PACC1: variants seen among roughly 807,000 people sequenced by gnomAD.
The protein encoded by PACC1 is proton-activated chloride channel.
PACC1 carries 34 observed loss-of-function variants against 39.7 expected under a neutral mutation model. The ratio of observed to expected loss-of-function variants is 0.86; its 90% CI spans 0.65 to 1.14. The LOEUF (loss-of-function observed/expected upper bound fraction) is 1.14. Among genes scored for constraint, PACC1 ranks in the 50% most tolerant of loss-of-function variants. The probability of loss-of-function intolerance (pLI) is 0.00; values close to 1 mark genes in which losing one functional copy is unlikely to be tolerated. For missense variants in PACC1, 379 were observed against 436.4 expected (o/e 0.87, Z 1.17); for synonymous variants, 127 against 160.6 (o/e 0.79, Z 1.58).
intron 5 of PACC1, 105 bp from the exon 6 acceptor site, chr1:212,377,811 C>G: frequency 7.6e-7 from 1 of 1,324,290 alleles, no homozygotes; most frequent in Non-Finnish European, 1.0e-6. Flanking sequence ...AACCAGGATG[C>G]TGCCCACTCC....
intron 5 of PACC1, among the ~76,000 whole-genome samples, chr1:212,378,801 C>T (rs1240658082): frequency 2.0e-5 from 3 of 152,094 alleles, no homozygotes; most frequent in East Asian, 1.9e-4. Context: ...CACTCACGTG[C>T]GGATTTTCTT....
chr1:212,382,061 C>T (rs1305469434), intron 4 of PACC1, among the ~76,000 whole-genome samples: 3 of 150,530 alleles, frequency 2.0e-5, no homozygotes, highest in Non-Finnish European at 4.4e-5. Context: ...TTTTTTGAGA[C>T]GGTGTCTCGC....
At chr1:212,412,172 C>A (rs1157591664) in intron 1 of PACC1, among the ~76,000 whole-genome samples, 3 of 151,546 alleles carry the variant, frequency 2.0e-5, no homozygotes. Flanking sequence ...AGAAAAGCAA[C>A]CAGTGGGAAA....
At chr1:212,401,574 C>T (rs1046943301) in intron 2 of PACC1, among the ~76,000 whole-genome samples, 10 of 138,162 alleles carry the variant, frequency 7.2e-5, no homozygotes, top group African/African-American at 1.6e-4. Flanking sequence ...TGCAATGAGC[C>T]GAGACGGCGC....
intron 7 of PACC1, among the ~76,000 whole-genome samples, chr1:212,370,418 G>A (rs757070513): frequency 6.6e-6 from 1 of 152,136 alleles, no homozygotes; most frequent in Non-Finnish European, 1.5e-5. Context: ...GCAGTGAGCC[G>A]AGTTCACACC....
At chr1:212,384,031 G>A (rs1256560254) in intron 4 of PACC1, among the ~76,000 whole-genome samples, 1 of 152,138 alleles carries the variant, frequency 6.6e-6, no homozygotes, top group Non-Finnish European at 1.5e-5. Flanking sequence ...TTCCAAGCTG[G>A]GGGTTTGGAA....
intron 1 of PACC1, among the ~76,000 whole-genome samples, chr1:212,412,291 T>G (rs1325971874): frequency 6.6e-6 from 1 of 152,064 alleles, no homozygotes; most frequent in Non-Finnish European, 1.5e-5. Context: ...CTGGGAAATC[T>G]CAAAGTTCCC....
intron 4 of PACC1, among the ~76,000 whole-genome samples, chr1:212,381,891 G>A (rs1204969355): frequency 1.3e-5 from 2 of 152,202 alleles, no homozygotes; most frequent in Admixed American, 6.5e-5. Flanking sequence ...TGCCCACTAC[G>A]CCACACGGCC....
intron 2 of PACC1, among the ~76,000 whole-genome samples, chr1:212,396,238 C>T (rs1175829645): frequency 2.0e-5 from 3 of 152,140 alleles, no homozygotes; most frequent in Non-Finnish European, 4.4e-5. Context: ...ACATATACAC[C>T]ATGGCATACT....
intron 2 of PACC1, among the ~76,000 whole-genome samples, chr1:212,400,781 A>C (rs182707421): frequency 1.3e-5 from 2 of 152,340 alleles, no homozygotes; most frequent in Admixed American, 1.3e-4. Flanking sequence ...AATAATGCAC[A>C]AGATGTTCCT....
At chr1:212,367,106 C>T (rs1042649768) in intron 7 of PACC1, among the ~76,000 whole-genome samples, 5 of 152,124 alleles carry the variant, frequency 3.3e-5, no homozygotes, top group South Asian at 4.1e-4. Context: ...CAGAATTTGA[C>T]GTTAGAGGAG....
At chr1:212,396,420 C>T (rs1367976882) in intron 2 of PACC1, among the ~76,000 whole-genome samples, 1 of 151,936 alleles carries the variant, frequency 6.6e-6, no homozygotes, top group East Asian at 1.9e-4. Context: ...GGGAACATCA[C>T]ACACCGGGGC....
intron 2 of PACC1, among the ~76,000 whole-genome samples, chr1:212,392,725 A>T (rs1218413305): frequency 6.6e-6 from 1 of 152,072 alleles, no homozygotes; most frequent in Non-Finnish European, 1.5e-5. Context: ...GGCTCAAAAT[A>T]AAGGGATGGA....
intron 5 of PACC1, among the ~76,000 whole-genome samples, chr1:212,379,081 C>T (rs532941474): frequency 1.9e-4 from 29 of 151,940 alleles, no homozygotes; most frequent in South Asian, 1.2e-3. Context: ...GTAGCTGGGA[C>T]TACAGGTGCC....
At chr1:212,389,445 GA>G (rs200014352) in intron 2 of PACC1, among the ~76,000 whole-genome samples, 1 of 150,552 alleles carries the variant, frequency 6.6e-6, no homozygotes, top group African/African-American at 2.4e-5. Context: ...AATATGCCAA[GA>G]AAAAAAAATA....
intron 7 of PACC1, among the ~76,000 whole-genome samples, chr1:212,374,181 G>A (rs986142658): frequency 6.7e-6 from 1 of 149,916 alleles, no homozygotes; most frequent in African/African-American, 2.5e-5. Flanking sequence ...GAATGGATAA[G>A]GAAAATGTGG....
intron 2 of PACC1, among the ~76,000 whole-genome samples, chr1:212,407,528 G>A (rs1327163607): frequency 6.6e-6 from 1 of 152,196 alleles, no homozygotes; most frequent in Non-Finnish European, 1.5e-5. Flanking sequence ...TTGTTCTCCC[G>A]GGAGCCTTAG....
intron 2 of PACC1, among the ~76,000 whole-genome samples, chr1:212,409,881 A>G (rs1440585137): frequency 6.6e-6 from 1 of 152,220 alleles, no homozygotes; most frequent in African/African-American, 2.4e-5. Flanking sequence ...CAAGAGCTGG[A>G]GAGTGACCGC....
intron 7 of PACC1, among the ~76,000 whole-genome samples, chr1:212,366,408 C>A (rs1409008039): frequency 3.4e-5 from 5 of 147,260 alleles, no homozygotes; most frequent in Non-Finnish European, 7.4e-5. Context: ...TCAATCTATT[C>A]TCCTGCCTCA....
Sources: gnomAD v4.1 joint callset for allele counts (sites outside exome capture counted in the v4.1 genomes callset) on GRCh38, gnomAD v4.1.1 for gene constraint, MANE v1.5 for transcripts, NCBI Gene and HGNC (gene_info 2026-07-23, HGNC 2026-07-21) for gene names.